HERC1: variants seen among roughly 807,000 people sequenced by gnomAD.
The protein encoded by HERC1 is probable E3 ubiquitin-protein ligase HERC1.
A neutral mutation model predicts 554.3 loss-of-function variants in HERC1; 160 were observed. The ratio of observed to expected loss-of-function variants is 0.29; its 90% CI spans 0.25 to 0.33. The LOEUF (loss-of-function observed/expected upper bound fraction) is 0.33, where lower values mean the gene tolerates loss of function less well. Ranked by LOEUF, HERC1 falls within the 10% of genes least tolerant of loss-of-function variation. The probability of loss-of-function intolerance (pLI) is 1.00; values close to 1 mark genes in which losing one functional copy is unlikely to be tolerated. For synonymous variants in HERC1, 2,175 were observed against 2,131.7 expected, an observed-to-expected ratio of 1.02 and a Z score of -0.56; for missense variants, 4,919 against 5,918.5, an observed-to-expected ratio of 0.83 and a Z score of 5.54.
At chr15:63,639,331 C>T (rs1257960045) in intron 61 of HERC1, among the ~76,000 whole-genome samples, 13 of 152,148 alleles carry the variant, frequency 8.5e-5, no homozygotes, top group Admixed American at 8.5e-4. Flanking sequence ...GTTACAAATG[C>T]CTAGAGCATT....
intron 1 of HERC1, among the ~76,000 whole-genome samples, chr15:63,798,307 A>G (rs767406112): frequency 1.3e-5 from 2 of 152,102 alleles, no homozygotes; most frequent in African/African-American, 2.4e-5. Context: ...CCAAATGACT[A>G]CTCAGTGCTT....
intron 43 of HERC1, among the ~76,000 whole-genome samples, chr15:63,663,630 T>C (rs2070467489): frequency 6.6e-6 from 1 of 152,192 alleles, no homozygotes; most frequent in South Asian, 2.1e-4. Context: ...AACCGTTTTT[T>C]AATTTTTTTG....
chr15:63,718,289 C>A lies in HERC1; in HGVS notation c.3978+285G>T, dbSNP rs77106746. 1 of 284,312 alleles carries A rather than the reference C, an allele frequency of 3.5e-6. No individual in the cohort carries two copies. Among genetic ancestry groups the A allele is most frequent in the East Asian group, 6.8e-5 (1 of 14,664 alleles). 17.6% of individuals were successfully genotyped at this position (284,312 alleles called of 1,614,324 possible). A position where few individuals can be genotyped will look rare whatever the true frequency, so the allele number is the denominator to read the frequency against. On this transcript the variant is annotated intron_variant, in intron 21 of 77. Coordinates refer to ENST00000443617, the MANE Select transcript of HERC1 (RefSeq NM_003922.4). The surrounding 1 kb of genome is among the most constrained non-coding windows in gnomAD (Gnocchi z 4.2). ...GATAATTCAAATGTGGCCCAATCAG[C>A]ACAAAGAGAGGAATAATCATTCATA...
intron 2 of HERC1, among the ~76,000 whole-genome samples, chr15:63,767,132 G>A (rs1490015419): frequency 6.6e-6 from 1 of 151,740 alleles, no homozygotes; most frequent in Non-Finnish European, 1.5e-5. Flanking sequence ...CTCCCAAGTA[G>A]CTGGATTACA....
chr15:63,789,443 C>T (rs2076562501), intron 1 of HERC1, among the ~76,000 whole-genome samples: 1 of 151,986 alleles, frequency 6.6e-6, no homozygotes, highest in Non-Finnish European at 1.5e-5. Flanking sequence ...AAACCATTAG[C>T]AGTATTGACT....
chr15:63,704,520 C>A (rs974892169), intron 25 of HERC1, among the ~76,000 whole-genome samples: 1 of 152,068 alleles, frequency 6.6e-6, no homozygotes, highest in Admixed American at 6.6e-5. Flanking sequence ...TTCTCTCTAG[C>A]GCCAAATGAT....
intron 1 of HERC1, among the ~76,000 whole-genome samples, chr15:63,802,992 T>C (rs2077038781): frequency 6.6e-6 from 1 of 152,138 alleles, no homozygotes; most frequent in South Asian, 2.1e-4. Context: ...GGAGGCTCAC[T>C]TGAGCCCAGG....
chr15:63,686,634 T>C (rs924423723), intron 33 of HERC1, 99 bp from the exon 34 acceptor site: 24 of 951,168 alleles, frequency 2.5e-5, no homozygotes, highest in Admixed American at 5.0e-5. Context: ...ATATTTATTA[T>C]GTATCTACTA....
intron 37 of HERC1, among the ~76,000 whole-genome samples, chr15:63,676,759 A>T (rs1014762095): frequency 6.6e-6 from 1 of 152,260 alleles, no homozygotes; most frequent in Non-Finnish European, 1.5e-5. Flanking sequence ...CCGTCTCAAA[A>T]AAATAAATAA....
intron 1 of HERC1, among the ~76,000 whole-genome samples, chr15:63,798,418 G>T (rs74019021): frequency 2.0e-5 from 3 of 151,910 alleles, no homozygotes; most frequent in South Asian, 2.1e-4. Context: ...TCCCACCTAC[G>T]TAACAGACAC....
At chr15:63,819,101 A>G (rs2077596933) in intron 1 of HERC1, among the ~76,000 whole-genome samples, 2 of 152,228 alleles carry the variant, frequency 1.3e-5, no homozygotes. Context: ...CTTACTTTAG[A>G]GATCAAACCT....
intron 1 of HERC1, among the ~76,000 whole-genome samples, chr15:63,827,732 G>A (rs1015122779): frequency 1.3e-5 from 2 of 152,140 alleles, no homozygotes; most frequent in Admixed American, 1.3e-4. Context: ...CTAAGAAGTA[G>A]AAAACCAAAT....
chr15:63,831,847 C>A (rs541283815), intron 1 of HERC1, among the ~76,000 whole-genome samples: 2 of 152,126 alleles, frequency 1.3e-5, no homozygotes. Context: ...GATTAAGTGA[C>A]GCATTTACAT....
intron 1 of HERC1, among the ~76,000 whole-genome samples, chr15:63,790,459 T>A (rs1316474513): frequency 6.6e-6 from 1 of 151,820 alleles, no homozygotes; most frequent in Non-Finnish European, 1.5e-5. Context: ...CGCCTTGTAG[T>A]CCCAGCTACT....
chr15:63,745,130 C>G (rs1168143151), intron 12 of HERC1, among the ~76,000 whole-genome samples: 1 of 152,126 alleles, frequency 6.6e-6, no homozygotes, highest in East Asian at 1.9e-4. Flanking sequence ...ATCTAAGACA[C>G]AAGACAAAGT....
At chr15:63,624,846 G>C (rs928670075) in intron 71 of HERC1, among the ~76,000 whole-genome samples, 28 of 152,020 alleles carry the variant, frequency 1.8e-4, no homozygotes, top group African/African-American at 6.8e-4. Context: ...AGAAAATACA[G>C]AGAAGGATAC....
intron 1 of HERC1, among the ~76,000 whole-genome samples, chr15:63,798,488 C>T (rs2076877492): frequency 6.6e-6 from 1 of 150,454 alleles, no homozygotes; most frequent in African/African-American, 2.5e-5. Context: ...CAAACCACTG[C>T]TTCTATCCTC....
In HERC1 at chr15:63,612,597, A is replaced by C. The variant is rs778723340; in HGVS notation, c.14095-41T>G. 1.2e-5 allele frequency: 19 copies of C among 1,577,724 alleles called. No individual in the cohort carries two copies. The highest frequency in any genetic ancestry group is 1.4e-5 in the Non-Finnish European group (16 of 1,159,368). On this transcript the variant is annotated intron_variant, in intron 76 of 77. Coordinates refer to ENST00000443617, the MANE Select transcript of HERC1 (RefSeq NM_003922.4). The surrounding 1 kb of genome is among the most constrained non-coding windows in gnomAD (Gnocchi z 5.0). ...GTTGCTCATTCAATGAGTGTGCGTGAACCTGGCACCCACCAAGGGCCCTGT... is the reference window on the plus strand; with the variant it reads ...GTTGCTCATTCAATGAGTGTGCGTGCACCTGGCACCCACCAAGGGCCCTGT...
At chr15:63,723,158 C>T (rs554754749) in intron 19 of HERC1, 24 bp downstream of exon 19, 35 of 1,360,070 alleles carry the variant, frequency 2.6e-5, no homozygotes, top group Admixed American at 3.2e-5. Context: ...TACAAATTTA[C>T]TCCCTTTATC....
Sources: allele counts gnomAD v4.1 joint callset (sites outside exome capture counted in the v4.1 genomes callset), GRCh38; gene constraint gnomAD v4.1.1; non-coding constraint Gnocchi (gnomAD v3.1); transcripts MANE v1.5; gene names NCBI Gene and HGNC (gene_info 2026-07-23, HGNC 2026-07-21).